The following DNAH9 variants were observed in gnomAD, a reference collection of about 807,000 sequenced individuals.
The protein encoded by DNAH9 is DNAH9 variant protein.
DNAH9 carries 345 observed loss-of-function variants against 471.6 expected under a neutral mutation model. The ratio of observed to expected loss-of-function variants is 0.73; its 90% CI spans 0.67 to 0.80. The LOEUF is 0.80. Among genes scored for constraint, DNAH9 ranks in the 30% least tolerant of loss-of-function variants. DNAH9 has a pLI of 0.00. For synonymous variants in DNAH9, 2,093 were observed against 2,123.6 expected (o/e 0.99, Z 0.40); for missense variants, 5,407 against 5,609.2 (o/e 0.96, Z 1.15).
chr17:11,631,768 T>C (rs2073072868), intron 7 of DNAH9, among the ~76,000 whole-genome samples: 1 of 151,896 alleles, frequency 6.6e-6, no homozygotes. Context: ...AGAAGAAACA[T>C]GCCAAAATGT....
In DNAH9 at chr17:11,881,270, A is replaced by G. The variant is rs766416511; in HGVS notation, c.10663A>G (p.Thr3555Ala). 19 of 1,614,120 alleles carry G rather than the reference A, an allele frequency of 1.2e-5. No individual in the cohort carries two copies. The highest frequency in any genetic ancestry group is 1.6e-5 in the Non-Finnish European group (19 of 1,180,008). The change falls in exon 55 of 69, where the codon ACC becomes GCC. Residue 3555 changes from threonine (T) to alanine (A), a missense_variant. Physicochemically the swap from Thr to Ala is moderately conservative, Grantham distance 58. Coordinates refer to ENST00000262442, the MANE Select transcript of DNAH9 (RefSeq NM_001372.4). ...YNPKFRLILH[T>A]KLANPHYQPE... is the part of the protein sequence containing the mutation. The stretch of plus-strand genomic sequence containing the variant: ...TCCCAAGTTCCGGCTCATCCTCCAC[A>G]CCAAGCTGGCTAATCCTCACTACCA...
intron 60 of DNAH9, 104 bp from the exon 61 acceptor site, chr17:11,905,557 A>T (rs746988161): frequency 1.6e-6 from 2 of 1,258,076 alleles, no homozygotes; most frequent in Non-Finnish European, 2.2e-6. Flanking sequence ...CTAGCCCATG[A>T]CCTTGAGCAT....
intron 1 of DNAH9, among the ~76,000 whole-genome samples, chr17:11,605,184 C>T (rs1414052430): frequency 6.6e-6 from 1 of 152,156 alleles, no homozygotes; most frequent in Non-Finnish European, 1.5e-5. Context: ...CAAAGCACTC[C>T]CCCTATCCTT....
At position 11,768,533 on chromosome 17, in the gene DNAH9, C is replaced by G; in HGVS notation, c.7251C>G (p.Ile2417Met). 6.2e-7 allele frequency: 1 copy of G among 1,614,210 alleles called. No homozygotes were observed. The highest frequency in any genetic ancestry group is 8.5e-7 in the Non-Finnish European group (1 of 1,180,040). Residue 2417 changes from isoleucine (I) to methionine (M), a missense_variant, in exon 37 of 69, where the codon ATC becomes ATG. By Grantham distance (10) the Ile-to-Met change is conservative. This residue lies in a region of DNAH9 where 4,636 missense variants were observed against 4,900.3 expected (regional missense o/e 0.95). Coordinates refer to ENST00000262442, the MANE Select transcript of DNAH9 (RefSeq NM_001372.4). Reference sequence around the variant, plus strand: ...TCAAGTTTCCTTCCCAAGGAACCATCTTTGACTATTACATCGACCCAGAGA... The same window carrying G: ...TCAAGTTTCCTTCCCAAGGAACCATGTTTGACTATTACATCGACCCAGAGA... ...KTVKFPSQGT[I>M]FDYYIDPETK... is the part of the protein sequence containing the mutation.
chr17:11,808,871 T>C (rs1969785936), intron 44 of DNAH9, among the ~76,000 whole-genome samples: 1 of 152,108 alleles, frequency 6.6e-6, no homozygotes, highest in South Asian at 2.1e-4. Context: ...ATGATTCCAA[T>C]GAGAACTGAG....
intron 10 of DNAH9, among the ~76,000 whole-genome samples, chr17:11,644,143 T>G (rs1334521692): frequency 6.6e-6 from 1 of 152,120 alleles, no homozygotes; most frequent in Non-Finnish European, 1.5e-5. Context: ...TTGCACCATG[T>G]CAACAGGCAA....
chr17:11,754,423 A>G (rs543206018), intron 33 of DNAH9, among the ~76,000 whole-genome samples: 1 of 152,332 alleles, frequency 6.6e-6, no homozygotes, highest in East Asian at 1.9e-4. Flanking sequence ...CAATGGATAA[A>G]CTAATTTACA....
At chr17:11,916,785 G>T (rs528042274) in intron 61 of DNAH9, among the ~76,000 whole-genome samples, 1 of 152,120 alleles carries the variant, frequency 6.6e-6, no homozygotes, top group Non-Finnish European at 1.5e-5. Context: ...TTAATATCAG[G>T]TAGAGTTTTA....
intron 45 of DNAH9, among the ~76,000 whole-genome samples, chr17:11,812,008 AAAAAAAAAAAAAAAAAAAATATAT>A (rs1239851877): frequency 1.8e-5 from 1 of 54,060 alleles, no homozygotes; most frequent in African/African-American, 8.8e-5. Context: ...AAAAAAAAAA[AAAAAAAAAAAAAAAAAAAATATAT>A]ATATATATAT....
intron 66 of DNAH9, among the ~76,000 whole-genome samples, chr17:11,940,261 G>A (rs1974858248): frequency 6.6e-6 from 1 of 152,138 alleles, no homozygotes; most frequent in African/African-American, 2.4e-5. Context: ...TACGTCTGTG[G>A]ACCTGGGTCC....
At chr17:11,701,016 G>T in intron 23 of DNAH9, 106 bp from the exon 24 acceptor site, 1 of 1,231,614 alleles carries the variant, frequency 8.1e-7, no homozygotes. Flanking sequence ...TGTATACAAT[G>T]TGTGGGCTCC....
At chr17:11,636,531 C>T in intron 8 of DNAH9, 103 bp from the exon 9 acceptor site, 1 of 802,324 alleles carries the variant, frequency 1.2e-6, no homozygotes, top group South Asian at 1.7e-5. Context: ...ACTCTTCTTA[C>T]ATTGGTAGGC....
intron 28 of DNAH9, among the ~76,000 whole-genome samples, chr17:11,735,407 C>T (rs2075328838): frequency 6.6e-6 from 1 of 151,984 alleles, no homozygotes; most frequent in Non-Finnish European, 1.5e-5. Flanking sequence ...ACATAGCTTT[C>T]CATTTTTTTT....
At chr17:11,609,501 T>G (rs1224367738) in intron 2 of DNAH9, among the ~76,000 whole-genome samples, 1 of 152,218 alleles carries the variant, frequency 6.6e-6, no homozygotes, top group East Asian at 1.9e-4. Context: ...GGGGAATGGG[T>G]GTCTTCTTCC....
chr17:11,648,199 A>G (rs560025479), intron 12 of DNAH9, among the ~76,000 whole-genome samples: 62 of 152,356 alleles, frequency 4.1e-4, no homozygotes, highest in African/African-American at 1.2e-3. Flanking sequence ...CCAGGAATGC[A>G]CTATAGATTG....
chr17:11,733,654 G>A (rs2075301841), intron 28 of DNAH9, among the ~76,000 whole-genome samples: 1 of 151,986 alleles, frequency 6.6e-6, no homozygotes, highest in Admixed American at 6.6e-5. Context: ...GATTGACCTG[G>A]CTAACAACCT....
intron 57 of DNAH9, among the ~76,000 whole-genome samples, chr17:11,888,021 T>G (rs764576568): frequency 6.6e-6 from 1 of 151,880 alleles, no homozygotes; most frequent in African/African-American, 2.4e-5. Context: ...CTCGCTTTGT[T>G]GCCCAGGCTG....
intron 50 of DNAH9, among the ~76,000 whole-genome samples, chr17:11,859,498 G>A (rs1241639844): frequency 6.6e-6 from 1 of 152,016 alleles, no homozygotes; most frequent in African/African-American, 2.4e-5. Context: ...TTACATAGAG[G>A]CAGCTCCCTT....
chr17:11,736,160 A>T (rs539634950), intron 28 of DNAH9, among the ~76,000 whole-genome samples: 3 of 152,170 alleles, frequency 2.0e-5, no homozygotes, highest in African/African-American at 7.2e-5. Flanking sequence ...CAGTTTCTTC[A>T]TCGGTAAAAT....
Sources: gnomAD v4.1 joint callset for allele counts (sites outside exome capture counted in the v4.1 genomes callset) on GRCh38, gnomAD v4.1.1 for gene constraint, gnomAD v4.1.1 regional missense constraint, MANE v1.5 for transcripts, NCBI Gene and HGNC (gene_info 2026-07-23, HGNC 2026-07-21) for gene names.